The following ADGRL2 variants were observed in gnomAD, a reference collection of about 807,000 sequenced individuals.
ADGRL2 encodes adhesion G protein-coupled receptor L2, also known as calcium-independent alpha-latrotoxin receptor 2.
ADGRL2 carries 44 observed loss-of-function variants against 157.4 expected under a neutral mutation model. The observed-to-expected ratio is 0.28, with a 90% CI of 0.22 to 0.36. The LOEUF (loss-of-function observed/expected upper bound fraction) is 0.36. Among genes scored for constraint, ADGRL2 ranks in the 10% least tolerant of loss-of-function variants. The probability of loss-of-function intolerance (pLI) is 1.00; values close to 1 mark genes in which losing one functional copy is unlikely to be tolerated. For missense variants in ADGRL2, 1,510 were observed against 1,768.9 expected, an observed-to-expected ratio of 0.85 and a Z score of 2.63; for synonymous variants, 585 against 624.7, an observed-to-expected ratio of 0.94 and a Z score of 0.95.
intron 2 of ADGRL2, among the ~76,000 whole-genome samples, chr1:81,538,721 A>G (rs967845718): frequency 2.6e-5 from 4 of 152,222 alleles, no homozygotes; most frequent in African/African-American, 7.2e-5. Flanking sequence ...GACTACATAA[A>G]GGGCTGGGCA....
At chr1:81,666,504 T>A (rs1431012005) in intron 3 of ADGRL2, among the ~76,000 whole-genome samples, 2 of 152,182 alleles carry the variant, frequency 1.3e-5, no homozygotes, top group East Asian at 3.8e-4. Context: ...CTTCTCCTCT[T>A]ATTAATTTAT....
intron 2 of ADGRL2, among the ~76,000 whole-genome samples, chr1:81,548,986 A>AT (rs1441466839): frequency 3.9e-5 from 6 of 152,348 alleles, no homozygotes; most frequent in African/African-American, 1.4e-4. Context: ...TCCAAAGCTC[A>AT]TTACAAGGTT....
chr1:81,560,841 G>A (rs1226436228), intron 2 of ADGRL2, among the ~76,000 whole-genome samples: 3 of 151,944 alleles, frequency 2.0e-5, no homozygotes, highest in Admixed American at 6.6e-5. Flanking sequence ...ACCACGGCCC[G>A]GTCCTCCAGA....
At chr1:81,928,009 T>C (rs1179526257) in intron 3 of ADGRL2, among the ~76,000 whole-genome samples, 1 of 152,100 alleles carries the variant, frequency 6.6e-6, no homozygotes, top group Non-Finnish European at 1.5e-5. Flanking sequence ...TAACCTTGTA[T>C]CTTGAAGCAT....
At chr1:81,340,161 G>A (rs753187297) in intron 1 of ADGRL2, among the ~76,000 whole-genome samples, 32 of 152,168 alleles carry the variant, frequency 2.1e-4, no homozygotes, top group Non-Finnish European at 4.1e-4. Flanking sequence ...GGGAAGCTAT[G>A]TGTTAACATT....
At chr1:81,618,195 C>G (rs1300418214) in intron 3 of ADGRL2, among the ~76,000 whole-genome samples, 1 of 152,074 alleles carries the variant, frequency 6.6e-6, no homozygotes, top group South Asian at 2.1e-4. Context: ...TGTATTATGG[C>G]ACTTGACATA....
At chr1:81,825,081 C>G (rs910718528) in intron 1 of ADGRL2, among the ~76,000 whole-genome samples, 1 of 151,978 alleles carries the variant, frequency 6.6e-6, no homozygotes. Flanking sequence ...CGCAGTGGCT[C>G]AAGCCTGTAA....
intron 1 of ADGRL2, among the ~76,000 whole-genome samples, chr1:81,368,742 C>T (rs1186748860): frequency 6.6e-6 from 1 of 152,170 alleles, no homozygotes; most frequent in East Asian, 1.9e-4. Context: ...CCCACTACCT[C>T]TATGCTGGCT....
chr1:81,397,008 T>C (rs1017132195), intron 1 of ADGRL2, among the ~76,000 whole-genome samples: 7 of 152,186 alleles, frequency 4.6e-5, no homozygotes, highest in Admixed American at 2.6e-4. Flanking sequence ...TTTGAAAGAA[T>C]TCTTTCCTCT....
At chr1:81,320,578 A>G (rs1398901602) in intron 1 of ADGRL2, among the ~76,000 whole-genome samples, 1 of 152,218 alleles carries the variant, frequency 6.6e-6, no homozygotes, top group Non-Finnish European at 1.5e-5. Flanking sequence ...GAAAAACAAC[A>G]TTCATTTCTT....
At chr1:81,626,258 T>C (rs2081906376) in intron 3 of ADGRL2, among the ~76,000 whole-genome samples, 1 of 152,178 alleles carries the variant, frequency 6.6e-6, no homozygotes, top group African/African-American at 2.4e-5. Context: ...AAGATCGTAG[T>C]GTAGCTACCA....
intron 2 of ADGRL2, chr1:81,506,093 A>G (rs542989984): frequency 9.7e-4 from 157 of 161,170 alleles, no homozygotes; most frequent in Non-Finnish European, 1.8e-3. Flanking sequence ...TGGTGTTTGC[A>G]TCAAATACAG....
At chr1:81,461,042 C>T (rs963767434) in intron 2 of ADGRL2, among the ~76,000 whole-genome samples, 1 of 152,170 alleles carries the variant, frequency 6.6e-6, no homozygotes, top group Non-Finnish European at 1.5e-5. Context: ...TCTGCTTGCC[C>T]AGGGCAGCAT....
At chr1:81,520,129 A>G (rs2079277705) in intron 2 of ADGRL2, among the ~76,000 whole-genome samples, 2 of 152,208 alleles carry the variant, frequency 1.3e-5, no homozygotes, top group South Asian at 4.1e-4. Context: ...GATGAGAATG[A>G]CAAAGTAAAC....
chr1:81,429,522 C>G (rs954697956), intron 1 of ADGRL2, among the ~76,000 whole-genome samples: 6 of 152,206 alleles, frequency 3.9e-5, no homozygotes, highest in Non-Finnish European at 7.3e-5. Flanking sequence ...GTTGCCTGTC[C>G]TAAGAAACAT....
chr1:81,359,360 T>C (rs565895608), intron 1 of ADGRL2, among the ~76,000 whole-genome samples: 1 of 152,204 alleles, frequency 6.6e-6, no homozygotes, highest in South Asian at 2.1e-4. Context: ...ATGTAAAGCT[T>C]ACAGTCTTTA....
intron 1 of ADGRL2, among the ~76,000 whole-genome samples, chr1:81,416,354 A>G (rs1013289646): frequency 2.0e-5 from 3 of 151,892 alleles, no homozygotes; most frequent in Admixed American, 1.3e-4. Context: ...AAAAAACACA[A>G]AATTTAATGG....
chr1:81,558,848 C>G (rs369494379), intron 2 of ADGRL2, among the ~76,000 whole-genome samples: 19 of 152,232 alleles, frequency 1.2e-4, no homozygotes, highest in African/African-American at 4.6e-4. Flanking sequence ...TATAATGAAC[C>G]TTGCACCAGG....
chr1:81,426,108 C>T (rs74947518), intron 1 of ADGRL2, among the ~76,000 whole-genome samples: 2,564 of 152,150 alleles, frequency 0.017, 75 homozygotes, highest in African/African-American at 0.059. Flanking sequence ...AGGAAAACAG[C>T]GTATTTTTAT....
Sources: allele counts gnomAD v4.1 joint callset (sites outside exome capture counted in the v4.1 genomes callset), GRCh38; gene constraint gnomAD v4.1.1; transcripts MANE v1.5; gene names NCBI Gene and HGNC (gene_info 2026-07-23, HGNC 2026-07-21).